The following RBM5 variants were observed in gnomAD, a reference collection of about 807,000 sequenced individuals.
RBM5 encodes RNA binding motif protein 5, also known as RNA-binding protein 5.
In RBM5, 15 loss-of-function variants were observed where a neutral mutation model predicts 124.6. The observed-to-expected ratio is 0.12, with a 90% CI of 0.08 to 0.19. RBM5 has a LOEUF of 0.19. Ranked by LOEUF, RBM5 falls within the 10% of genes least tolerant of loss-of-function variation. The probability of loss-of-function intolerance (pLI) is 1.00; values close to 1 mark genes in which losing one functional copy is unlikely to be tolerated. For missense variants in RBM5, 580 were observed against 1,026.5 expected (o/e 0.57, Z 5.94); for synonymous variants, 337 against 361.2 (o/e 0.93, Z 0.76).
intron 12 of RBM5, 103 bp downstream of exon 12, chr3:50,107,672 C>CTTTT (rs71080575): frequency 0.045 from 4,692 of 104,854 alleles, 230 homozygotes; most frequent in East Asian, 0.088. Flanking sequence ...CTTTTCTTTT[C>CTTTT]TTTTTTTTTT....
chr3:50,090,799 C>T (rs1464957316), intron 2 of RBM5, among the ~76,000 whole-genome samples: 1 of 152,062 alleles, frequency 6.6e-6, no homozygotes, highest in South Asian at 2.1e-4. Context: ...CTGAAGGTTC[C>T]CTGTGTGGAC....
At position 50,107,561 on chromosome 3, in the gene RBM5, T is replaced by C; in HGVS notation, c.1033T>C (p.Ser345Pro). Reference sequence around the variant, plus strand: ...GGCTATTGCTGCTGCTCAGTGGTCATCCACCCAGGTAAGATCGAGGATCTT... The same window carrying C: ...GGCTATTGCTGCTGCTCAGTGGTCACCCACCCAGGTAAGATCGAGGATCTT... ...STAIAAAQWS[S>P]TQSQSGEGGS... Residue 345 changes from serine to proline, a missense_variant, in exon 12 of 25, where the codon TCC (serine) becomes CCC (proline). Transcript: ENST00000347869. 1 of 1,603,784 alleles carries C rather than the reference T, an allele frequency of 6.2e-7. No homozygotes were observed. The highest frequency in any genetic ancestry group is 1.1e-5 in the South Asian group (1 of 90,800).
chr3:50,113,256 C>T, intron 17 of RBM5, 127 bp from the exon 18 acceptor site: 1 of 920,968 alleles, frequency 1.1e-6, no homozygotes, highest in Non-Finnish European at 1.6e-6. Flanking sequence ...AAGGTGTGCC[C>T]AGGGTCTTTT....
chr3:50,092,759 A>T (rs1157750876), intron 3 of RBM5: 3 of 452,192 alleles, frequency 6.6e-6, no homozygotes, highest in Admixed American at 4.7e-5. Context: ...TGATAAATAT[A>T]AGTTGTTGGC....
rs758061887 is a variant in RBM5, at chr3:50,117,412, A to G, written c.2322+33A>G. On this transcript the variant is annotated intron_variant, in intron 24 of 24. Transcript: ENST00000347869. This position sits in a 1 kb window ranked among gnomAD's most constrained non-coding sequence, Gnocchi z 4.2. ...GTGGGGTCAGGTCTTGATGTTTGCC[A>G]GGCTTACAGGCCGGTTCCAGAGATG... is the stretch of plus-strand genomic sequence containing the variant. 2.5e-5 allele frequency: 40 copies of G among 1,610,750 alleles called. No individual in the cohort carries two copies. The highest frequency in any genetic ancestry group is 3.2e-5 in the Non-Finnish European group (38 of 1,178,534).
At chr3:50,101,964 T>C (rs1351632534) in intron 6 of RBM5, 1 of 152,192 alleles carries the variant, frequency 6.6e-6, no homozygotes, top group African/African-American at 2.4e-5. Flanking sequence ...CCCTTCAGCT[T>C]TTTCTCTCCT....
chr3:50,093,724 A>G lies in RBM5; in HGVS notation c.188A>G (p.Glu63Gly), dbSNP rs562012691. ...ATTTTGTTTATTGTAACTCAGAGAG[A>G]GCGTGAAAGAAGGAACAGTGACCGA... Reference protein sequence around the residue: ...DYRDYDSPERERERRNSDRSE... With the variant: ...DYRDYDSPERGRERRNSDRSE... Residue 63 changes from glutamate (E) to glycine (G), a missense_variant, in exon 4 of 25, where the codon GAG (glutamate) becomes GGG (glycine). By Grantham distance (98) the Glu-to-Gly change is moderately conservative. Around this residue, in one of 6 missense-constraint regions of RBM5, gnomAD observed 99 missense variants for 121.1 expected, o/e 0.82. Coordinates refer to ENST00000347869, the MANE Select transcript of RBM5 (RefSeq NM_005778.4). The G allele has an allele frequency of 1.2e-6, 2 of 1,612,600 alleles. No homozygotes were observed. Among genetic ancestry groups the G allele is most frequent in the East Asian group, 2.2e-5 (1 of 44,840 alleles).
In RBM5 at chr3:50,105,550, G is replaced by A. The variant is rs543361689; in HGVS notation, c.696G>A (p.Thr232=). ...SVQSVDYYCD[T]IILRNIAPHT... Reference sequence around the variant, plus strand: ...GTCATTTGTCTCATTTACCCCTAGCGATCATTCTTCGGAACATAGCTCCGC... The same window carrying A: ...GTCATTTGTCTCATTTACCCCTAGCAATCATTCTTCGGAACATAGCTCCGC... Residue 232 remains threonine, a splice_region_variant and synonymous_variant, in exon 10 of 25, where the codon ACG becomes ACA. Transcript: ENST00000347869. 46 of 1,612,810 alleles carry A rather than the reference G, an allele frequency of 2.9e-5. No individual in the cohort carries two copies. In the African/African-American group the frequency reaches 5.5e-4, roughly 19 times the overall value.
chr3:50,092,288 C>G (rs1413832063), intron 3 of RBM5, 80 bp downstream of exon 3: 2 of 1,446,686 alleles, frequency 1.4e-6, no homozygotes, highest in East Asian at 4.7e-5. Context: ...GCAGCCAGGT[C>G]CAGTGGCCCC....
intron 15 of RBM5, chr3:50,109,929 G>A (rs983894500): frequency 7.9e-5 from 30 of 380,426 alleles, no homozygotes; most frequent in Non-Finnish European, 1.3e-4. Context: ...AGTTGTCGCC[G>A]GGGCCGGGTG....
chr3:50,113,249 G>T, intron 17 of RBM5, 134 bp from the exon 18 acceptor site: 1 of 799,448 alleles, frequency 1.3e-6, no homozygotes, highest in Non-Finnish European at 1.9e-6. Flanking sequence ...TTATACCAAG[G>T]TGTGCCCAGG....
chr3:50,097,264 C>T (rs1190590167), intron 4 of RBM5, among the ~76,000 whole-genome samples: 1 of 152,000 alleles, frequency 6.6e-6, no homozygotes, highest in Non-Finnish European at 1.5e-5. Flanking sequence ...GCCGTGGTGG[C>T]GGGCGCCTGT....
At chr3:50,092,781 GC>G (rs1391919866) in intron 3 of RBM5, 3 of 449,784 alleles carry the variant, frequency 6.7e-6, no homozygotes, top group Middle Eastern at 1.3e-3. Flanking sequence ...AGGCACAGTG[GC>G]TCACACCTGT....
intron 17 of RBM5, among the ~76,000 whole-genome samples, chr3:50,112,414 TAAAAAAA>T (rs58011975): frequency 4.5e-5 from 4 of 88,240 alleles, no homozygotes; most frequent in African/African-American, 1.5e-4. Flanking sequence ...AGACTCTGTC[TAAAAAAA>T]AAAAAAAAAA....
chr3:50,115,322 G>A, intron 20 of RBM5, 106 bp from the exon 21 acceptor site: 3 of 1,302,650 alleles, frequency 2.3e-6, no homozygotes, highest in East Asian at 4.7e-5. Flanking sequence ...ATGCAGTAAT[G>A]GGGATTTGTT....
At chr3:50,107,234 C>CT (rs3216783) in intron 11 of RBM5, 52,587 of 601,350 alleles carry the variant, frequency 0.087, 2,648 homozygotes, top group Admixed American at 0.1. Flanking sequence ...GTAAATTTCC[C>CT]TTTTTTTAGT....
intron 4 of RBM5, among the ~76,000 whole-genome samples, chr3:50,098,560 A>C (rs2090871674): frequency 6.6e-6 from 1 of 151,942 alleles, no homozygotes; most frequent in South Asian, 2.1e-4. Context: ...CTCTTGCCTC[A>C]GCCTCCCAAG....
At chr3:50,115,668 C>T in intron 21 of RBM5, 61 bp downstream of exon 21, 1 of 1,534,130 alleles carries the variant, frequency 6.5e-7, no homozygotes, top group Non-Finnish European at 8.8e-7. Context: ...AATTTGAGTG[C>T]CCTAACAGTC....
In RBM5 at chr3:50,113,367, GT is replaced by G; in HGVS notation, c.1456-13del. ...AGAAAGTCTGCATTAATTGTTTTTTGTTTGTTGTTTTCTAGTACTACTATAA... is the reference window on the plus strand; with the variant it reads ...AGAAAGTCTGCATTAATTGTTTTTTGTTGTTGTTTTCTAGTACTACTATAA... On this transcript the variant is annotated splice_polypyrimidine_tract_variant and intron_variant, in intron 17 of 24. Transcript: ENST00000347869. 2.5e-6 allele frequency: 4 copies of G among 1,592,874 alleles called. No individual in the cohort carries two copies. The highest frequency in any genetic ancestry group is 3.4e-6 in the Non-Finnish European group (4 of 1,172,640).
Sources: allele counts gnomAD v4.1 joint callset (sites outside exome capture counted in the v4.1 genomes callset), GRCh38; gene constraint gnomAD v4.1.1; regional missense constraint gnomAD v4.1.1; non-coding constraint Gnocchi (gnomAD v3.1); transcripts MANE v1.5; gene names NCBI Gene and HGNC (gene_info 2026-07-23, HGNC 2026-07-21).